The following ANAPC5 variants were observed in gnomAD, a reference collection of about 807,000 sequenced individuals.
ANAPC5 encodes anaphase-promoting complex subunit 5.
ANAPC5 carries 60 observed loss-of-function variants against 91.3 expected under a neutral mutation model. That is an observed-to-expected ratio of 0.66 (90% confidence interval 0.53 to 0.81). The LOEUF (loss-of-function observed/expected upper bound fraction) is 0.81. ANAPC5 is among the 40% of genes least tolerant of loss of function. ANAPC5 has a pLI of 0.00. For synonymous variants in ANAPC5, 340 were observed against 364.1 expected (o/e 0.93, Z 0.75); for missense variants, 690 against 931.5 (o/e 0.74, Z 3.37).
chr12:121,326,165 G>A (rs1902809445), intron 11 of ANAPC5, among the ~76,000 whole-genome samples: 1 of 152,224 alleles, frequency 6.6e-6, no homozygotes, highest in South Asian at 2.1e-4. Flanking sequence ...CCATGTAAGA[G>A]ACTGTAAAAT....
At chr12:121,341,860 A>G in intron 5 of ANAPC5, 143 bp downstream of exon 5, 2 of 516,866 alleles carry the variant, frequency 3.9e-6, no homozygotes, top group South Asian at 6.8e-5. Flanking sequence ...TTAGTGAGGC[A>G]GAGGGGACCA....
chr12:121,324,905 T>G (rs558824345), intron 11 of ANAPC5, among the ~76,000 whole-genome samples: 1 of 151,984 alleles, frequency 6.6e-6, no homozygotes, highest in South Asian at 2.1e-4. Flanking sequence ...ATACGCTGGG[T>G]GTGGTAATCC....
upstream of ANAPC5, among the ~76,000 whole-genome samples, chr12:121,352,851 C>G (rs1903965947): frequency 6.6e-6 from 1 of 152,002 alleles, no homozygotes; most frequent in Non-Finnish European, 1.5e-5. Context: ...TGGGCTCGAG[C>G]GATCCTCCCG....
Position 121,308,346 on chromosome 12 carries a change from A to G in ANAPC5, c.*134T>C. 1.4e-6 allele frequency: 1 copy of G among 732,590 alleles called. No homozygotes were observed. The highest frequency in any genetic ancestry group is 2.2e-6 in the Non-Finnish European group (1 of 452,852). The allele number at this position is 732,590 out of a possible 1,614,324, so 45.4% of individuals were successfully genotyped here. On this transcript the variant is annotated 3_prime_UTR_variant, in exon 17 of 17. Transcript: ENST00000261819. ...CAAATACGTAGTTACTAGCAACAAA[A>G]TAAGACAAACTAATCAGAATGCTGT...
intron 11 of ANAPC5, chr12:121,326,609 C>G (rs1380016237): frequency 2.0e-5 from 3 of 152,266 alleles, no homozygotes; most frequent in African/African-American, 7.2e-5. Context: ...GTGTTGGATA[C>G]AGGATTTAGC....
intron 15 of ANAPC5, 70 bp downstream of exon 15, chr12:121,318,207 C>T: frequency 1.4e-6 from 2 of 1,430,982 alleles, no homozygotes; most frequent in Non-Finnish European, 1.8e-6. Flanking sequence ...CCTTTCAATA[C>T]TCAAACGTAG....
chr12:121,352,471 G>A, upstream of ANAPC5: 1 of 751,174 alleles, frequency 1.3e-6, no homozygotes, highest in South Asian at 1.8e-5. Context: ...GCGTGCTCGC[G>A]GCATTTGTTA....
intron 5 of ANAPC5, among the ~76,000 whole-genome samples, 160 bp from the exon 6 acceptor site, chr12:121,337,552 G>C (rs1044964559): frequency 6.6e-6 from 1 of 152,068 alleles, no homozygotes; most frequent in Admixed American, 6.6e-5. Flanking sequence ...CTCACTCTAG[G>C]TAACACTGAA....
chr12:121,342,956 TAAC>T lies in ANAPC5; in HGVS notation c.591-890_591-888del, dbSNP rs1903517147. ...CATCCTATAAAATAAAAAGGTTCTC[TAAC>T]AAAGTAATTTCTTTTAGACAAAGAA... On this transcript the variant is annotated intron_variant, in intron 4 of 16. Coordinates refer to ENST00000261819, the MANE Select transcript of ANAPC5 (RefSeq NM_016237.5). The surrounding 1 kb of genome is among the most constrained non-coding windows in gnomAD (Gnocchi z 4.1). Among the ~76,000 whole-genome samples, 1 of 152,224 alleles carries T rather than the reference TAAC, an allele frequency of 6.6e-6. No individual in the cohort carries two copies. Among genetic ancestry groups the T allele is most frequent in the Admixed American group, 6.5e-5 (1 of 15,278 alleles).
At chr12:121,348,477 C>A (rs907147702) in intron 1 of ANAPC5, among the ~76,000 whole-genome samples, 10 of 152,074 alleles carry the variant, frequency 6.6e-5, no homozygotes, top group African/African-American at 9.7e-5. Context: ...CCAGCCTGGC[C>A]AACATGGCAA....
In ANAPC5 at chr12:121,352,318, A is replaced by G. The variant is rs1555275506; in HGVS notation, c.23T>C (p.Leu8Pro). Residue 8 changes from leucine (L) to proline (P), a missense_variant, in exon 1 of 17, where the codon CTC (leucine) becomes CCC (proline). Physicochemically the swap from Leu to Pro is moderately conservative, Grantham distance 98. Coordinates refer to ENST00000261819, the MANE Select transcript of ANAPC5 (RefSeq NM_016237.5). MASVHESLYFNPMMTNGV... is the reference protein window; with the variant it reads MASVHESPYFNPMMTNGV... ...ATTGGTCATCATGGGATTGAAGTAG[A>G]GGCTCTCGTGGACGCTGGCCATGGC... 4 of 1,608,080 alleles carry G rather than the reference A, an allele frequency of 2.5e-6. No homozygotes were observed. The highest frequency in any genetic ancestry group is 3.4e-6 in the Non-Finnish European group (4 of 1,175,086).
chr12:121,352,258 T>G lies in ANAPC5; in HGVS notation c.83A>C (p.Asp28Ala). The G allele has an allele frequency of 6.2e-7, 1 of 1,614,134 alleles. No individual in the cohort carries two copies. The highest frequency in any genetic ancestry group is 8.5e-7 in the Non-Finnish European group (1 of 1,179,988). ...CGCGATCTTGTACGGCGTCACCCAG[T>G]CCTTGATGCCGAACACATTGGCGTG... ...VVHANVFGIKDWVTPYKIAVL... is the reference protein window; with the variant it reads ...VVHANVFGIKAWVTPYKIAVL... Residue 28 changes from aspartate to alanine, a missense_variant, in exon 1 of 17, where the codon GAC becomes GCC. By Grantham distance (126) the Asp-to-Ala change is moderately radical. Around this residue, in one of 5 missense-constraint regions of ANAPC5, gnomAD observed 238 missense variants for 264.9 expected, o/e 0.90. Transcript: ENST00000261819.
intron 6 of ANAPC5, 32 bp from the exon 7 acceptor site, chr12:121,335,755 C>G: frequency 6.4e-7 from 1 of 1,558,538 alleles, no homozygotes; most frequent in East Asian, 2.3e-5. Context: ...GTATTTTAAA[C>G]GCTGTAAATA....
chr12:121,320,773 T>C, intron 11 of ANAPC5: 1 of 187,482 alleles, frequency 5.3e-6, no homozygotes, highest in Non-Finnish European at 1.1e-5. Flanking sequence ...CGGCTAATTT[T>C]TTTGTATTTT....
chr12:121,325,110 G>C (rs1902759593), intron 11 of ANAPC5, among the ~76,000 whole-genome samples: 1 of 152,310 alleles, frequency 6.6e-6, no homozygotes, highest in East Asian at 1.9e-4. Flanking sequence ...GCTGCAGTTT[G>C]CTGTGATTGC....
upstream of ANAPC5, among the ~76,000 whole-genome samples, chr12:121,352,868 C>T (rs950283202): frequency 4.6e-5 from 7 of 151,932 alleles, no homozygotes; most frequent in Admixed American, 6.6e-5. Flanking sequence ...CCCGCCTTCC[C>T]GAGAAGCTGG....
chr12:121,333,665 G>T (rs1476569967), intron 7 of ANAPC5: 2 of 152,134 alleles, frequency 1.3e-5, no homozygotes, highest in Non-Finnish European at 2.9e-5. Flanking sequence ...GCACCTCACT[G>T]ACACCTTCCT....
In ANAPC5 at chr12:121,346,034, AC is replaced by A; in HGVS notation, c.398-4del. 6.3e-7 allele frequency: 1 copy of A among 1,596,898 alleles called. No homozygotes were observed. The highest frequency in any genetic ancestry group is 1.3e-5 in the African/African-American group (1 of 74,154). On this transcript the variant is annotated splice_polypyrimidine_tract_variant and splice_region_variant and intron_variant, in intron 3 of 16. Coordinates refer to ENST00000261819, the MANE Select transcript of ANAPC5 (RefSeq NM_016237.5). ...GATCATGTGACGCAGAAACAAACCTACAAAATAAGACGAGAGACAAGGGGAA... is the reference window on the plus strand; with the variant it reads ...GATCATGTGACGCAGAAACAAACCTAAAAATAAGACGAGAGACAAGGGGAA...
intron 11 of ANAPC5, among the ~76,000 whole-genome samples, chr12:121,325,822 G>A (rs530502305): frequency 4.6e-5 from 7 of 152,226 alleles, no homozygotes; most frequent in African/African-American, 1.2e-4. Flanking sequence ...AGCTGAGATC[G>A]TGCCACTGCA....
Sources: gnomAD v4.1 joint callset for allele counts (sites outside exome capture counted in the v4.1 genomes callset) on GRCh38, gnomAD v4.1.1 for gene constraint, gnomAD v4.1.1 regional missense constraint, Gnocchi (gnomAD v3.1) non-coding constraint, MANE v1.5 for transcripts, NCBI Gene and HGNC (gene_info 2026-07-23, HGNC 2026-07-21) for gene names.